RORB: variants seen among roughly 807,000 people sequenced by gnomAD.
RORB encodes RAR related orphan receptor B, also known as nuclear receptor ROR-beta.
In RORB, 6 loss-of-function variants were observed where a neutral mutation model predicts 59.1. The ratio of observed to expected loss-of-function variants is 0.10; its 90% CI spans 0.06 to 0.20. RORB has a LOEUF of 0.20. RORB is among the 10% of genes least tolerant of loss of function. The pLI is 1.00. For missense variants in RORB, 320 were observed against 560.5 expected (o/e 0.57, Z 4.33); for synonymous variants, 215 against 204.5 (o/e 1.05, Z -0.44).
At chr9:74,573,610 A>G (rs912277775) in intron 1 of RORB, among the ~76,000 whole-genome samples, 1 of 152,140 alleles carries the variant, frequency 6.6e-6, no homozygotes, top group African/African-American at 2.4e-5. Flanking sequence ...CACTGCTTCA[A>G]AAACTCACAA....
chr9:74,642,285 T>C, intron 3 of RORB, 129 bp from the exon 4 acceptor site: 3 of 928,496 alleles, frequency 3.2e-6, no homozygotes, highest in Non-Finnish European at 3.3e-6. Context: ...AATGGGTTCT[T>C]AAGTTATGGT....
intron 1 of RORB, among the ~76,000 whole-genome samples, chr9:74,510,781 A>G (rs1664126728): frequency 6.6e-6 from 1 of 152,204 alleles, no homozygotes; most frequent in South Asian, 2.1e-4. Context: ...TTTGATTTAT[A>G]AAAGGAGGAA....
chr9:74,611,910 A>G (rs1329904954), intron 1 of RORB, among the ~76,000 whole-genome samples: 3 of 152,150 alleles, frequency 2.0e-5, no homozygotes, highest in Admixed American at 6.5e-5. Context: ...TCGGCCTCCC[A>G]AAGTGCTGGG....
At chr9:74,642,299 A>G in intron 3 of RORB, 115 bp from the exon 4 acceptor site, 3 of 1,024,846 alleles carry the variant, frequency 2.9e-6, no homozygotes, top group Non-Finnish European at 2.9e-6. Context: ...TTATGGTGCT[A>G]GACATTTGTG....
chr9:74,631,055 T>A (rs928831161), intron 2 of RORB, among the ~76,000 whole-genome samples: 9 of 152,206 alleles, frequency 5.9e-5, no homozygotes, highest in Non-Finnish European at 1.2e-4. Context: ...AATCCAGTGT[T>A]CCACTTCCAG....
intron 6 of RORB, 138 bp from the exon 7 acceptor site, chr9:74,665,350 C>CTG (rs953431110): frequency 5.2e-5 from 22 of 425,366 alleles, no homozygotes; most frequent in Non-Finnish European, 4.5e-5. Flanking sequence ...ATGTGTGTGC[C>CTG]TGTGTGTGTG....
chr9:74,657,687 T>A (rs968548998), intron 4 of RORB, among the ~76,000 whole-genome samples: 2 of 152,112 alleles, frequency 1.3e-5, no homozygotes. Flanking sequence ...TGACATGAAA[T>A]TATATTATTG....
Position 74,690,808 on chromosome 9 carries a change from T to C in RORB, c.*5190T>C, listed in dbSNP as rs1268530638. 6.6e-6 allele frequency: 1 copy of C among 152,104 alleles called. No individual in the cohort carries two copies. The highest frequency in any genetic ancestry group is 1.5e-5 in the Non-Finnish European group (1 of 68,016). The allele number at this position is 152,104 out of a possible 1,614,324, so 9.4% of individuals were successfully genotyped here. On this transcript the variant is annotated 3_prime_UTR_variant, in exon 10 of 10. Coordinates refer to ENST00000376896, the MANE Select transcript of RORB (RefSeq NM_006914.4). ...TAAAAATGAAAACTATTCAATTTAG[T>C]GATGGCTTATAAAAGACACTCCAAC...
chr9:74,578,589 C>T (rs1480573097), intron 1 of RORB, among the ~76,000 whole-genome samples: 3 of 152,004 alleles, frequency 2.0e-5, no homozygotes, highest in South Asian at 2.1e-4. Context: ...CCAAGTGATA[C>T]AGTTGTCTTA....
At chr9:74,541,826 G>A (rs1246457408) in intron 1 of RORB, among the ~76,000 whole-genome samples, 1 of 152,128 alleles carries the variant, frequency 6.6e-6, no homozygotes, top group African/African-American at 2.4e-5. Context: ...CAGGAGACAG[G>A]ATAGTAATCT....
Position 74,692,892 on chromosome 9 carries a change from A to G in RORB, c.*7274A>G, listed in dbSNP as rs144992382. 9.8e-5 allele frequency: 15 copies of G among 152,298 alleles called. 1 individual carries two copies. In the East Asian group the frequency reaches 2.9e-3, roughly 29 times the overall value. 9.4% of individuals were successfully genotyped at this position (152,298 alleles called of 1,614,324 possible). On this transcript the variant is annotated 3_prime_UTR_variant, in exon 10 of 10. Coordinates refer to ENST00000376896, the MANE Select transcript of RORB (RefSeq NM_006914.4). Reference sequence around the variant, plus strand: ...AGCCCTAATTTCTGTGTATGTGAGTAAAACTGCAGCCTGAGTCATTTAGGA... The same window carrying G: ...AGCCCTAATTTCTGTGTATGTGAGTGAAACTGCAGCCTGAGTCATTTAGGA...
Position 74,549,909 on chromosome 9 carries a change from T to C in RORB, c.7+51926T>C, listed in dbSNP as rs150921551. 6.0e-3 allele frequency among the ~76,000 whole-genome samples: 908 copies of C among 152,172 alleles called. 11 individuals are homozygous for C. The highest frequency in any genetic ancestry group is 0.043 in the Admixed American group (660 of 15,292). On this transcript the variant is annotated intron_variant, in intron 1 of 9. Coordinates refer to ENST00000376896, the MANE Select transcript of RORB (RefSeq NM_006914.4). ...ACGCCCGGCTAATCTTTTGCATTTT[T>C]AGTAGAGACGGGGTTTCACCATGTT...
At chr9:74,646,060 C>G (rs1433185903) in intron 4 of RORB, among the ~76,000 whole-genome samples, 2 of 151,968 alleles carry the variant, frequency 1.3e-5, no homozygotes, top group Non-Finnish European at 2.9e-5. Context: ...GAAAAAAACC[C>G]TATGCATATA....
intron 9 of RORB, among the ~76,000 whole-genome samples, chr9:74,675,032 G>C (rs1824413556): frequency 6.6e-6 from 1 of 150,686 alleles, no homozygotes; most frequent in Non-Finnish European, 1.5e-5. Context: ...TGTTGTTGTT[G>C]ACAGAAAAAA....
At chr9:74,611,570 C>T (rs951283446) in intron 1 of RORB, among the ~76,000 whole-genome samples, 1 of 152,200 alleles carries the variant, frequency 6.6e-6, no homozygotes, top group Non-Finnish European at 1.5e-5. Context: ...GGCGGTGAGA[C>T]TCCTATATGG....
chr9:74,651,753 AC>A (rs1747430498), intron 4 of RORB, among the ~76,000 whole-genome samples: 1 of 151,816 alleles, frequency 6.6e-6, no homozygotes, highest in South Asian at 2.1e-4. Flanking sequence ...TTACTATATA[AC>A]CCCCTTAAAA....
chr9:74,584,728 T>C (rs928290336), intron 1 of RORB, among the ~76,000 whole-genome samples: 29 of 152,164 alleles, frequency 1.9e-4, no homozygotes, highest in African/African-American at 5.8e-4. Context: ...TTTGTTGGTA[T>C]TGGAAATACA....
chr9:74,610,872 T>C (rs1039072341), intron 1 of RORB, among the ~76,000 whole-genome samples: 1 of 152,196 alleles, frequency 6.6e-6, no homozygotes, highest in Non-Finnish European at 1.5e-5. Context: ...TGGAATGGTA[T>C]CTAAGAATCT....
intron 1 of RORB, among the ~76,000 whole-genome samples, chr9:74,517,579 T>C (rs1297529262): frequency 1.3e-5 from 2 of 152,082 alleles, no homozygotes; most frequent in South Asian, 2.1e-4. Flanking sequence ...AATCTGGAAA[T>C]AGAAATATTT....
Sources: gnomAD v4.1 joint callset for allele counts (sites outside exome capture counted in the v4.1 genomes callset) on GRCh38, gnomAD v4.1.1 for gene constraint, MANE v1.5 for transcripts, NCBI Gene and HGNC (gene_info 2026-07-23, HGNC 2026-07-21) for gene names.